CSMD1: variants seen among roughly 807,000 people sequenced by gnomAD.
CSMD1 encodes the protein CUB and Sushi multiple domains 1.
Under a neutral mutation model 417.5 loss-of-function variants are expected in CSMD1, and 213 were observed. That is an observed-to-expected ratio of 0.51 (90% CI 0.46 to 0.57). The LOEUF is 0.57. Among genes scored for constraint, CSMD1 ranks in the 20% least tolerant of loss-of-function variants. The pLI is 0.00. For synonymous variants in CSMD1, 2,862 were observed against 1,736.8 expected (o/e 1.65, Z -16.11); for missense variants, 6,923 against 4,529.7 (o/e 1.53, Z -15.17).
At chr8:3,981,891 T>G (rs2130188334) in intron 5 of CSMD1, among the ~76,000 whole-genome samples, 1 of 152,206 alleles carries the variant, frequency 6.6e-6, no homozygotes, top group South Asian at 2.1e-4. Context: ...TTTCCTGTCA[T>G]ACAGAACTAG....
At chr8:3,813,518 G>A (rs940440002) in intron 5 of CSMD1, among the ~76,000 whole-genome samples, 3 of 152,164 alleles carry the variant, frequency 2.0e-5, no homozygotes, top group Non-Finnish European at 4.4e-5. Context: ...GCGTGAATAT[G>A]AAGACTGATC....
intron 3 of CSMD1, among the ~76,000 whole-genome samples, chr8:4,378,957 C>T (rs1435753374): frequency 1.3e-5 from 2 of 152,120 alleles, no homozygotes; most frequent in Non-Finnish European, 2.9e-5. Flanking sequence ...ATTTATAAGC[C>T]TTCCAGTTTA....
chr8:3,509,748 T>A (rs1796985321), intron 10 of CSMD1, among the ~76,000 whole-genome samples: 1 of 152,194 alleles, frequency 6.6e-6, no homozygotes, highest in African/African-American at 2.4e-5. Flanking sequence ...AGTGATATTT[T>A]GTTCTAGAAT....
chr8:3,230,341 C>A, intron 26 of CSMD1, 110 bp from the exon 27 acceptor site: 1 of 746,434 alleles, frequency 1.3e-6, no homozygotes, highest in Non-Finnish European at 2.1e-6. Flanking sequence ...CCTAATAAGT[C>A]ATTTGTCTAC....
chr8:4,286,178 G>A (rs937919226), intron 3 of CSMD1, among the ~76,000 whole-genome samples: 3 of 152,110 alleles, frequency 2.0e-5, no homozygotes, highest in Middle Eastern at 3.4e-3. Flanking sequence ...GTCAAGAGGA[G>A]CTCCAGTTTT....
At chr8:4,820,288 G>C (rs1023264883) in intron 1 of CSMD1, among the ~76,000 whole-genome samples, 2 of 152,176 alleles carry the variant, frequency 1.3e-5, no homozygotes, top group African/African-American at 4.8e-5. Flanking sequence ...GGAACACAGG[G>C]CTGGGCACAG....
intron 5 of CSMD1, among the ~76,000 whole-genome samples, chr8:3,839,299 A>G (rs1802941912): frequency 8.0e-6 from 1 of 124,234 alleles, no homozygotes; most frequent in Non-Finnish European, 1.6e-5. Flanking sequence ...TATATATACT[A>G]TTATATATAC....
chr8:3,781,533 GTCTA>G (rs1181566984), intron 5 of CSMD1, among the ~76,000 whole-genome samples: 11 of 152,096 alleles, frequency 7.2e-5, no homozygotes, highest in Non-Finnish European at 1.6e-4. Context: ...TGGATATATG[GTCTA>G]TCTGCTTACA....
chr8:4,911,002 C>T (rs937268512), intron 1 of CSMD1, among the ~76,000 whole-genome samples: 7 of 152,146 alleles, frequency 4.6e-5, no homozygotes, highest in African/African-American at 1.7e-4. Context: ...GGGAATTTCC[C>T]TACAAAAACT....
chr8:3,060,521 CA>C (rs1438411610), intron 49 of CSMD1, among the ~76,000 whole-genome samples: 1 of 152,152 alleles, frequency 6.6e-6, no homozygotes, highest in Admixed American at 6.5e-5. Context: ...ACTATTAGAA[CA>C]GACCACTTAC....
intron 3 of CSMD1, among the ~76,000 whole-genome samples, chr8:4,141,158 G>C (rs750735409): frequency 6.6e-6 from 1 of 151,034 alleles, no homozygotes; most frequent in Non-Finnish European, 1.5e-5. Flanking sequence ...GTAACAGAAC[G>C]TGTCTCTCAC....
intron 3 of CSMD1, among the ~76,000 whole-genome samples, chr8:4,280,895 A>G (rs933769442): frequency 4.6e-5 from 7 of 152,298 alleles, no homozygotes; most frequent in African/African-American, 1.7e-4. Context: ...TTTGGTAATT[A>G]GTTGTCATGG....
chr8:4,722,791 G>A (rs188834777), intron 1 of CSMD1, among the ~76,000 whole-genome samples: 1 of 152,064 alleles, frequency 6.6e-6, no homozygotes. Flanking sequence ...GAATATTTCA[G>A]GAATACTTGT....
At chr8:4,705,004 C>G (rs139304882) in intron 1 of CSMD1, among the ~76,000 whole-genome samples, 336 of 152,260 alleles carry the variant, frequency 2.2e-3, no homozygotes, top group Non-Finnish European at 3.8e-3. Flanking sequence ...GAGGAAGCGT[C>G]CTGTAATTTT....
intron 6 of CSMD1, among the ~76,000 whole-genome samples, chr8:3,709,678 A>ATCTTTTTTTTTTTTTTTTT (rs1563296488): frequency 4.1e-5 from 1 of 24,322 alleles, no homozygotes; most frequent in Admixed American, 5.7e-4. Context: ...TTGCAGCAGC[A>ATCTTTTTTTTTTTTTTTTT]TGTTTTTTTT....
intron 2 of CSMD1, among the ~76,000 whole-genome samples, chr8:4,596,973 G>C (rs934311880): frequency 6.6e-6 from 1 of 152,142 alleles, no homozygotes; most frequent in Non-Finnish European, 1.5e-5. Context: ...CTCCATGTTA[G>C]AAGTGCCTCT....
At chr8:3,584,853 T>C (rs1013643145) in intron 9 of CSMD1, among the ~76,000 whole-genome samples, 2 of 152,152 alleles carry the variant, frequency 1.3e-5, no homozygotes, top group Admixed American at 6.5e-5. Context: ...TTGGGAGGCT[T>C]GTGCATCACC....
intron 3 of CSMD1, among the ~76,000 whole-genome samples, chr8:4,122,983 G>A (rs1306135207): frequency 1.3e-5 from 2 of 152,190 alleles, no homozygotes; most frequent in Non-Finnish European, 2.9e-5. Flanking sequence ...GTGATAATTG[G>A]CAAAGACGTG....
rs75321023 is a variant in CSMD1 at position 4,081,325 on chromosome 8, T to C, written c.416-49226A>G. ...CTCTATGGTCCCCTCCCACGTTGAATAGGTTTGATAGGGTTAAACAACAGG... is the reference window on the plus strand; with the variant it reads ...CTCTATGGTCCCCTCCCACGTTGAACAGGTTTGATAGGGTTAAACAACAGG... On this transcript the variant is annotated intron_variant, in intron 3 of 69. Coordinates refer to ENST00000635120, the MANE Select transcript of CSMD1 (RefSeq NM_033225.6). 1.4e-3 allele frequency among the ~76,000 whole-genome samples: 217 copies of C among 152,314 alleles called. 1 individual carries two copies. The East Asian group carries it at 0.038, about 26-fold the overall frequency.
Sources: gnomAD v4.1 joint callset for allele counts (sites outside exome capture counted in the v4.1 genomes callset) on GRCh38, gnomAD v4.1.1 for gene constraint, MANE v1.5 for transcripts, NCBI Gene and HGNC (gene_info 2026-07-23, HGNC 2026-07-21) for gene names.